Variants in PYM1 observed in about 807,000 individuals in gnomAD.
PYM1 encodes the protein PYM1 exon junction complex associated factor, also known as partner of Y14 and mago.
Under a neutral mutation model 20.7 loss-of-function variants are expected in PYM1, and 7 were observed. That is an observed-to-expected ratio of 0.34 (90% CI 0.19 to 0.64). The LOEUF is 0.64. Ranked by LOEUF, PYM1 falls within the 30% of genes least tolerant of loss-of-function variation. PYM1 has a pLI of 0.74. For missense variants in PYM1, 194 were observed against 250.0 expected, an observed-to-expected ratio of 0.78 and a Z score of 1.51; for synonymous variants, 100 against 99.2, an observed-to-expected ratio of 1.01 and a Z score of -0.05.
chr12:55,914,526 C>T (rs1258897911), intron 1 of PYM1, among the ~76,000 whole-genome samples: 2 of 152,206 alleles, frequency 1.3e-5, no homozygotes, highest in Non-Finnish European at 2.9e-5. Context: ...TTCCTTAAGT[C>T]TGTCAGCAAT....
intron 1 of PYM1, among the ~76,000 whole-genome samples, chr12:55,905,854 ATATTAGATATATATATATC>A (rs1249908591): frequency 5.6e-4 from 20 of 35,476 alleles, no homozygotes; most frequent in African/African-American, 1.3e-3. Context: ...TATATATTAT[ATATTAGATATATATATATC>A]TATTAGATAT....
chr12:55,925,757 G>A (rs1039916098), intron 1 of PYM1, among the ~76,000 whole-genome samples: 3 of 152,162 alleles, frequency 2.0e-5, no homozygotes, highest in Admixed American at 6.6e-5. Flanking sequence ...ACAGAAAACA[G>A]CTTTTAGTGA....
chr12:55,911,585 A>G (rs1292055938), intron 1 of PYM1, among the ~76,000 whole-genome samples: 1 of 152,128 alleles, frequency 6.6e-6, no homozygotes, highest in Non-Finnish European at 1.5e-5. Context: ...TCACGCCTGT[A>G]ATCACAGCAC....
At chr12:55,907,463 CAAAAAAAAAA>C (rs770960966) in intron 1 of PYM1, among the ~76,000 whole-genome samples, 4 of 52,006 alleles carry the variant, frequency 7.7e-5, no homozygotes, top group South Asian at 5.4e-4. Flanking sequence ...TACATAAATA[CAAAAAAAAAA>C]AAAAAAAAAA....
intron 1 of PYM1, among the ~76,000 whole-genome samples, chr12:55,920,542 G>A (rs780946491): frequency 6.6e-6 from 1 of 151,472 alleles, no homozygotes; most frequent in Non-Finnish European, 1.5e-5. Flanking sequence ...GGAGGCTGAG[G>A]CAGGAGAATC....
At chr12:55,910,382 G>A (rs1249837642) in intron 1 of PYM1, among the ~76,000 whole-genome samples, 2 of 151,924 alleles carry the variant, frequency 1.3e-5, no homozygotes, top group Non-Finnish European at 2.9e-5. Flanking sequence ...CCCGGTTAAA[G>A]TGATTTTCCT....
chr12:55,904,193 C>T (rs1882743565), intron 1 of PYM1, among the ~76,000 whole-genome samples: 1 of 151,902 alleles, frequency 6.6e-6, no homozygotes, highest in Admixed American at 6.6e-5. Context: ...TCTCGAACTC[C>T]TGACCTCAGG....
At chr12:55,927,591 G>A (rs745380403) in intron 1 of PYM1, 134 bp downstream of exon 1, 18 of 1,176,120 alleles carry the variant, frequency 1.5e-5, no homozygotes, top group Non-Finnish European at 2.1e-5. Flanking sequence ...TTCTAGGGAC[G>A]GTTGGAGACC....
chr12:55,902,148 A>G lies in PYM1; in HGVS notation c.339T>C (p.Leu113=), dbSNP rs774173213. The G allele has an allele frequency of 8.7e-6, 14 of 1,614,024 alleles. No individual in the cohort carries two copies. The highest frequency in any genetic ancestry group is 1.1e-5 in the Non-Finnish European group (13 of 1,179,998). Residue 113 remains leucine, a synonymous_variant, in exon 3 of 3, where the codon CTT becomes CTC. Coordinates refer to ENST00000408946, the MANE Select transcript of PYM1 (RefSeq NM_032345.3). ...CTGTCTCTTCCAGGGACACCTTATC[A>G]AGAGTCCTGCTCAAGGCCTCTGCCT... ...KGEAEALSRT[L]DKVSLEETAQ...
intron 1 of PYM1, among the ~76,000 whole-genome samples, chr12:55,909,404 C>T (rs1366090429): frequency 1.3e-5 from 2 of 152,120 alleles, no homozygotes; most frequent in Admixed American, 6.6e-5. Context: ...AATGTTCAGA[C>T]CTTGAATACC....
At chr12:55,902,862 G>A (rs905967658) in intron 2 of PYM1, among the ~76,000 whole-genome samples, 1 of 151,226 alleles carries the variant, frequency 6.6e-6, no homozygotes, top group African/African-American at 2.4e-5. Flanking sequence ...CCACTTCCCG[G>A]GTTCAAGAGA....
chr12:55,905,350 T>C (rs1007792586), intron 1 of PYM1, among the ~76,000 whole-genome samples: 1 of 151,784 alleles, frequency 6.6e-6, no homozygotes, highest in African/African-American at 2.4e-5. Flanking sequence ...ATTAATCTCA[T>C]CACTAAAGTA....
intron 1 of PYM1, among the ~76,000 whole-genome samples, chr12:55,909,575 G>A (rs981532324): frequency 1.3e-5 from 2 of 149,702 alleles, no homozygotes; most frequent in African/African-American, 5.0e-5. Context: ...TAATAAAAGG[G>A]TGACTTGGAA....
chr12:55,908,492 C>G (rs887282401), intron 1 of PYM1, among the ~76,000 whole-genome samples: 3 of 151,510 alleles, frequency 2.0e-5, no homozygotes, highest in Non-Finnish European at 4.4e-5. Context: ...CTAGGGCCTC[C>G]TACATGAATT....
Position 55,901,793 on chromosome 12 carries a change from C to G in PYM1, c.*79G>C. 2 of 1,520,460 alleles carry G rather than the reference C, an allele frequency of 1.3e-6. No individual in the cohort carries two copies. The highest frequency in any genetic ancestry group is 1.8e-6 in the Non-Finnish European group (2 of 1,138,942). The allele number at this position is 1,520,460 out of a possible 1,614,324, so 94.2% of individuals were successfully genotyped here. A position where few individuals can be genotyped will look rare whatever the true frequency, so the allele number is the denominator to read the frequency against. On this transcript the variant is annotated 3_prime_UTR_variant, in exon 3 of 3. Transcript: ENST00000408946. Reference sequence around the variant, plus strand: ...CCAGTATGGGGGGTACCCCTCCTGACTGCTGTTGCCCGTATTCCCCCAGAC... The same window carrying G: ...CCAGTATGGGGGGTACCCCTCCTGAGTGCTGTTGCCCGTATTCCCCCAGAC...
intron 1 of PYM1, chr12:55,927,474 A>G: frequency 1.4e-6 from 1 of 695,294 alleles, no homozygotes; most frequent in Non-Finnish European, 2.5e-6. Flanking sequence ...GGGCCTTATA[A>G]ATGAAGAAAG....
At chr12:55,924,046 A>C (rs1210605320) in intron 1 of PYM1, among the ~76,000 whole-genome samples, 1 of 151,976 alleles carries the variant, frequency 6.6e-6, no homozygotes, top group Non-Finnish European at 1.5e-5. Context: ...ACTGCACTCC[A>C]GCCTGGGCGA....
rs1217843067 is a variant in PYM1 at position 55,905,902 on chromosome 12, C to A, written c.38-2422G>T. 2.8e-5 allele frequency among the ~76,000 whole-genome samples: 3 copies of A among 107,408 alleles called. 1 individual carries two copies. The highest frequency in any genetic ancestry group is 1.2e-4 in the African/African-American group (3 of 25,818). The allele number at this position is 107,408 out of a possible 152,430, so 70.5% of individuals were successfully genotyped here. On this transcript the variant is annotated intron_variant, in intron 1 of 2. Transcript: ENST00000408946. ...TAGATATATATATTATTATATATAT[C>A]TAATAGATATATATATTATTATATA...
At chr12:55,926,273 T>C (rs1478943699) in intron 1 of PYM1, among the ~76,000 whole-genome samples, 1 of 152,222 alleles carries the variant, frequency 6.6e-6, no homozygotes, top group Non-Finnish European at 1.5e-5. Context: ...AAAACCATGA[T>C]AAAAGCTGTG....
Sources: gnomAD v4.1 joint callset for allele counts (sites outside exome capture counted in the v4.1 genomes callset) on GRCh38, gnomAD v4.1.1 for gene constraint, MANE v1.5 for transcripts, NCBI Gene and HGNC (gene_info 2026-07-23, HGNC 2026-07-21) for gene names.